Variants in MYO16 observed in about 807,000 individuals in gnomAD.
MYO16 encodes the protein unconventional myosin-XVI.
Under a neutral mutation model 205.3 loss-of-function variants are expected in MYO16, and 94 were observed. The ratio of observed to expected loss-of-function variants is 0.46; its 90% confidence interval spans 0.39 to 0.54. The LOEUF (loss-of-function observed/expected upper bound fraction) is 0.54. MYO16 is among the 20% of genes least tolerant of loss of function. MYO16 has a pLI of 0.00. For missense variants in MYO16, 2,315 were observed against 2,387.5 expected (o/e 0.97, Z 0.63); for synonymous variants, 988 against 954.0 (o/e 1.04, Z -0.66).
chr13:108,759,500 A>G (rs1885525901), intron 4 of MYO16, among the ~76,000 whole-genome samples: 2 of 152,200 alleles, frequency 1.3e-5, no homozygotes. Flanking sequence ...TATTATATGA[A>G]AGAAATGAGG....
At chr13:108,732,726 G>C (rs1450439369) in intron 4 of MYO16, among the ~76,000 whole-genome samples, 1 of 152,188 alleles carries the variant, frequency 6.6e-6, no homozygotes, top group Non-Finnish European at 1.5e-5. Context: ...AGTTTAAGAG[G>C]ATCACGTTTG....
Position 108,740,916 on chromosome 13 carries a change from C to T in MYO16, c.507+13333C>T, listed in dbSNP as rs149196648. Among the ~76,000 whole-genome samples, 801 of 152,244 alleles carry T rather than the reference C, an allele frequency of 5.3e-3. 7 individuals carry two copies. The highest frequency in any genetic ancestry group is 0.019 in the African/African-American group (771 of 41,526). On this transcript the variant is annotated intron_variant, in intron 4 of 34. Transcript: ENST00000457511. ...CTAGCAATGAGTGAGGCTCTGTGGG[C>T]GTGGGACCCTCTGAGCCATGTTGGG...
At chr13:108,806,291 G>T (rs541952149) in intron 6 of MYO16, among the ~76,000 whole-genome samples, 14 of 152,234 alleles carry the variant, frequency 9.2e-5, no homozygotes, top group African/African-American at 3.4e-4. Context: ...ACTTTCTATA[G>T]CACTAATACA....
the MYO16 span, among the ~76,000 whole-genome samples, chr13:108,510,461 G>GTA: frequency 2.2e-5 from 1 of 45,924 alleles, no homozygotes; most frequent in Non-Finnish European, 3.7e-5. Flanking sequence ...ATTGATAGCT[G>GTA]TTTTTTTTTT....
At chr13:108,855,397 G>T in intron 10 of MYO16, 46 bp from the exon 11 acceptor site, 1 of 1,187,028 alleles carries the variant, frequency 8.4e-7, no homozygotes, top group East Asian at 2.5e-5. Context: ...GAAGAAAGTT[G>T]ATTGGAAAGC....
chr13:108,588,488 C>T, the MYO16 span, among the ~76,000 whole-genome samples: 2 of 152,130 alleles, frequency 1.3e-5, no homozygotes, highest in Admixed American at 6.5e-5. Flanking sequence ...TATACTTCCC[C>T]TCCTGAAAAT....
the MYO16 span, among the ~76,000 whole-genome samples, chr13:108,557,681 G>A: frequency 6.6e-6 from 1 of 152,026 alleles, no homozygotes; most frequent in South Asian, 2.1e-4. Context: ...AATGGTATGT[G>A]TATTATAAAA....
intron 1 of MYO16, among the ~76,000 whole-genome samples, chr13:108,652,156 C>T (rs9587649): frequency 0.28 from 41,908 of 150,660 alleles, 6,164 homozygotes; most frequent in East Asian, 0.47. Flanking sequence ...TGTGTGTGTG[C>T]GCGCGCGCGC....
chr13:108,848,294 G>A (rs1265155183), intron 10 of MYO16, among the ~76,000 whole-genome samples: 2 of 152,096 alleles, frequency 1.3e-5, no homozygotes, highest in Non-Finnish European at 2.9e-5. Context: ...ATATCCACAG[G>A]ACTTTATACT....
At chr13:109,047,067 TC>T in intron 24 of MYO16, 76 bp downstream of exon 24, 2 of 1,123,010 alleles carry the variant, frequency 1.8e-6, no homozygotes, top group Non-Finnish European at 2.6e-6. Context: ...CTGAATATTT[TC>T]CTAGAAAATA....
intron 1 of MYO16, among the ~76,000 whole-genome samples, chr13:108,665,444 G>A (rs541144012): frequency 8.9e-4 from 136 of 152,132 alleles, no homozygotes; most frequent in African/African-American, 2.8e-3. Flanking sequence ...AATTAACAGC[G>A]TCATGATTAG....
At chr13:108,688,552 G>A (rs1472637213) in intron 2 of MYO16, among the ~76,000 whole-genome samples, 1 of 152,112 alleles carries the variant, frequency 6.6e-6, no homozygotes, top group East Asian at 1.9e-4. Flanking sequence ...TGCAGGTTGA[G>A]CTAGAGCTGC....
At chr13:108,626,235 G>C (rs142901585), upstream of MYO16, among the ~76,000 whole-genome samples, 18 of 152,196 alleles carry the variant, frequency 1.2e-4, no homozygotes, top group African/African-American at 4.3e-4. Flanking sequence ...AAGAGAAAAA[G>C]GGGTTTCTTG....
intron 28 of MYO16, among the ~76,000 whole-genome samples, chr13:109,115,348 C>A (rs1312902463): frequency 6.6e-6 from 1 of 150,812 alleles, no homozygotes; most frequent in East Asian, 1.9e-4. Context: ...AAATCTGTCA[C>A]CTAACAAGAA....
At chr13:109,146,747 G>A (rs2139820907) in intron 32 of MYO16, among the ~76,000 whole-genome samples, 1 of 151,832 alleles carries the variant, frequency 6.6e-6, no homozygotes, top group African/African-American at 2.4e-5. Context: ...CAGTGGCCGT[G>A]GTTGCTCCAC....
At chr13:108,629,951 C>T in intron 1 of MYO16, 79 bp downstream of exon 1, 1 of 1,318,042 alleles carries the variant, frequency 7.6e-7, no homozygotes, top group Non-Finnish European at 1.0e-6. Flanking sequence ...AAAATTAAGG[C>T]AGTTCTCCTG....
intron 27 of MYO16, among the ~76,000 whole-genome samples, chr13:109,095,519 T>A (rs992955717): frequency 5.3e-5 from 8 of 152,332 alleles, no homozygotes; most frequent in Middle Eastern, 3.4e-3. Context: ...GAGTATGTCA[T>A]CCTGTCTGAG....
chr13:108,881,461 A>C (rs1879613516), intron 12 of MYO16, among the ~76,000 whole-genome samples: 1 of 152,242 alleles, frequency 6.6e-6, no homozygotes, highest in Non-Finnish European at 1.5e-5. Context: ...AGTTGAGAGA[A>C]GAAGGCTTCA....
chr13:108,753,383 A>AAAAAAC (rs1555344225), intron 4 of MYO16, among the ~76,000 whole-genome samples: 10 of 147,726 alleles, frequency 6.8e-5, no homozygotes, highest in Admixed American at 4.0e-4. Context: ...AAAAAAAAAA[A>AAAAAAC]AAAAAAAAAA....
Sources: allele counts gnomAD v4.1 joint callset (sites outside exome capture counted in the v4.1 genomes callset), GRCh38; gene constraint gnomAD v4.1.1; transcripts MANE v1.5; gene names NCBI Gene and HGNC (gene_info 2026-07-23, HGNC 2026-07-21).